The following RYR2 variants were observed in gnomAD, a reference collection of about 807,000 sequenced individuals.
RYR2 encodes the protein ryanodine receptor 2.
A neutral mutation model predicts 601.1 loss-of-function variants in RYR2; 227 were observed. That is an observed-to-expected ratio of 0.38 (90% CI 0.34 to 0.42). The LOEUF (loss-of-function observed/expected upper bound fraction) is 0.42, where lower values mean the gene tolerates loss of function less well. Ranked by LOEUF, RYR2 falls within the 10% of genes least tolerant of loss-of-function variation. The pLI is 1.00. For synonymous variants in RYR2, 2,223 were observed against 2,175.1 expected, an observed-to-expected ratio of 1.02 and a Z score of -0.61; for missense variants, 4,646 against 6,156.5, an observed-to-expected ratio of 0.75 and a Z score of 8.21.
intron 59 of RYR2, 93 bp from the exon 60 acceptor site, chr1:237,674,638 T>C (rs1386330409): frequency 3.2e-6 from 2 of 627,882 alleles, no homozygotes; most frequent in East Asian, 5.7e-5. Flanking sequence ...CATATATGTA[T>C]GTATATACAC....
intron 100 of RYR2, among the ~76,000 whole-genome samples, chr1:237,813,152 G>T (rs1198809238): frequency 6.6e-6 from 1 of 152,116 alleles, no homozygotes; most frequent in Admixed American, 6.5e-5. Context: ...GGCAGGAGGG[G>T]AGTGGGAGGC....
chr1:237,540,481 C>T lies in RYR2; in HGVS notation c.2907-7950C>T, dbSNP rs1269355611. Among the ~76,000 whole-genome samples the T allele has an allele frequency of 2.0e-5, 3 of 151,968 alleles. No homozygotes were observed. In the East Asian group the frequency reaches 5.8e-4, roughly 29 times the overall value. The stretch of plus-strand genomic sequence containing the variant: ...CCAACAGTTGGGAGGCCGAGGCGGT[C>T]AGATCACCTGAGGTCAGGGGTTCGA... On this transcript the variant is annotated intron_variant, in intron 25 of 104. Transcript: ENST00000366574.
At chr1:237,630,878 T>C (rs1260628734) in intron 41 of RYR2, among the ~76,000 whole-genome samples, 1 of 152,184 alleles carries the variant, frequency 6.6e-6, no homozygotes, top group Non-Finnish European at 1.5e-5. Context: ...CTGGACTTCA[T>C]GTATACTCAG....
intron 3 of RYR2, among the ~76,000 whole-genome samples, chr1:237,337,788 C>T (rs1013083598): frequency 2.0e-5 from 3 of 152,072 alleles, no homozygotes; most frequent in Non-Finnish European, 4.4e-5. Context: ...AAAACTACAC[C>T]CACAATAATA....
intron 1 of RYR2, among the ~76,000 whole-genome samples, chr1:237,125,504 T>C (rs752849614): frequency 6.6e-6 from 1 of 152,090 alleles, no homozygotes; most frequent in Non-Finnish European, 1.5e-5. Context: ...GAGTAAACGC[T>C]TTAACATACT....
intron 10 of RYR2, among the ~76,000 whole-genome samples, chr1:237,415,283 A>T (rs1704861815): frequency 1.3e-5 from 2 of 152,160 alleles, no homozygotes; most frequent in Admixed American, 1.3e-4. Flanking sequence ...TATCCATGTG[A>T]GTACTTTATG....
At chr1:237,313,267 C>T (rs779068824) in intron 2 of RYR2, among the ~76,000 whole-genome samples, 39 of 151,876 alleles carry the variant, frequency 2.6e-4, no homozygotes, top group Admixed American at 5.2e-4. Context: ...TATCCAGTTT[C>T]GAATTCAGGG....
chr1:237,110,959 T>C (rs1669401240), intron 1 of RYR2, among the ~76,000 whole-genome samples: 1 of 152,198 alleles, frequency 6.6e-6, no homozygotes, highest in African/African-American at 2.4e-5. Context: ...AAGAATTCAA[T>C]GACATTTTCA....
chr1:237,243,907 C>G (rs1686485025), intron 1 of RYR2, among the ~76,000 whole-genome samples: 1 of 152,232 alleles, frequency 6.6e-6, no homozygotes, highest in Non-Finnish European at 1.5e-5. Context: ...CCGCTCCAGT[C>G]ACACATTATG....
chr1:237,141,756 T>C (rs1331676781), intron 1 of RYR2, among the ~76,000 whole-genome samples: 3 of 152,202 alleles, frequency 2.0e-5, no homozygotes, highest in Admixed American at 2.0e-4. Context: ...CTACAGTGTG[T>C]GTGCAATGGA....
intron 25 of RYR2, among the ~76,000 whole-genome samples, chr1:237,531,190 G>A (rs1186854667): frequency 6.6e-6 from 1 of 152,064 alleles, no homozygotes; most frequent in Non-Finnish European, 1.5e-5. Flanking sequence ...ATATATTCGA[G>A]GATTAATTAT....
At chr1:237,345,212 A>G (rs1009996977) in intron 3 of RYR2, among the ~76,000 whole-genome samples, 1 of 152,110 alleles carries the variant, frequency 6.6e-6, no homozygotes, top group African/African-American at 2.4e-5. Context: ...TTTTAAAATC[A>G]GTTTGTAAAA....
intron 1 of RYR2, among the ~76,000 whole-genome samples, chr1:237,258,091 C>T (rs1404344150): frequency 6.6e-6 from 1 of 150,912 alleles, no homozygotes; most frequent in Non-Finnish European, 1.5e-5. Flanking sequence ...TCCCTTGAAC[C>T]CAGGAGGTCG....
chr1:237,131,140 C>T (rs1335180405), intron 1 of RYR2, among the ~76,000 whole-genome samples: 1 of 151,902 alleles, frequency 6.6e-6, no homozygotes, highest in Non-Finnish European at 1.5e-5. Context: ...GAAAAGATAC[C>T]CCAGGCCTCA....
At chr1:237,788,549 G>A (rs553672181) in intron 92 of RYR2, among the ~76,000 whole-genome samples, 13 of 152,148 alleles carry the variant, frequency 8.5e-5, no homozygotes, top group East Asian at 1.9e-4. Context: ...TAACATCACC[G>A]TTTTACTTAA....
chr1:237,408,407 A>ATATAT lies in RYR2; in HGVS notation c.774-8642_774-8641insTATAT, dbSNP rs56317247. Among the ~76,000 whole-genome samples the ATATAT allele has an allele frequency of 4.4e-4, 58 of 132,926 alleles. 5 individuals are homozygous for ATATAT. Among genetic ancestry groups the ATATAT allele is most frequent in the African/African-American group, 1.5e-3 (47 of 30,636 alleles). The allele number at this position is 132,926 out of a possible 152,430, so 87.2% of individuals were successfully genotyped here. Reference sequence around the variant, plus strand: ...TCTAGATTCTTTATATATATATATAAATGGATATCCAGTCTTTTCAGTACT... The same window carrying ATATAT: ...TCTAGATTCTTTATATATATATATAATATATATGGATATCCAGTCTTTTCAGTACT... On this transcript the variant is annotated intron_variant, in intron 10 of 104. Transcript: ENST00000366574.
intron 16 of RYR2, among the ~76,000 whole-genome samples, chr1:237,465,183 A>G (rs1010706959): frequency 1.1e-4 from 16 of 151,908 alleles, no homozygotes; most frequent in African/African-American, 3.9e-4. Context: ...AAATGTATAT[A>G]TTTTCGTAGT....
chr1:237,460,870 C>T (rs1659398058), intron 16 of RYR2, among the ~76,000 whole-genome samples: 5 of 152,140 alleles, frequency 3.3e-5, no homozygotes, highest in South Asian at 2.1e-4. Context: ...TGCTCAGCAT[C>T]GCATATTGTT....
intron 17 of RYR2, among the ~76,000 whole-genome samples, chr1:237,472,178 A>G (rs375240556): frequency 6.6e-6 from 1 of 152,212 alleles, no homozygotes; most frequent in East Asian, 1.9e-4. Flanking sequence ...GCACATGTGT[A>G]TGTATATAAC....
Sources: gnomAD v4.1 joint callset for allele counts (sites outside exome capture counted in the v4.1 genomes callset) on GRCh38, gnomAD v4.1.1 for gene constraint, MANE v1.5 for transcripts, NCBI Gene and HGNC (gene_info 2026-07-23, HGNC 2026-07-21) for gene names.